PCDHGB3: variants seen among roughly 807,000 people sequenced by gnomAD.
The protein encoded by PCDHGB3 is protocadherin gamma subfamily B, 3, also known as protocadherin gamma-B3.
Under a neutral mutation model 59.2 loss-of-function variants are expected in PCDHGB3, and 40 were observed. The observed-to-expected ratio is 0.68, with a 90% CI of 0.52 to 0.88. The LOEUF (loss-of-function observed/expected upper bound fraction) is 0.88, where lower values mean the gene tolerates loss of function less well. PCDHGB3 is among the 40% of genes least tolerant of loss of function. The probability of loss-of-function intolerance (pLI) is 0.00; values close to 1 mark genes in which losing one functional copy is unlikely to be tolerated. For synonymous variants in PCDHGB3, 581 were observed against 503.6 expected (o/e 1.15, Z -2.06); for missense variants, 1,309 against 1,187.9 (o/e 1.10, Z -1.50).
rs2099883798 is a variant in PCDHGB3, at chr5:141,511,451, AT to A, written c.*281del. On this transcript the variant is annotated 3_prime_UTR_variant, in exon 4 of 4. Transcript: ENST00000576222. ...GGGGTTACTGTAGACACCAAGAACC[AT>A]TTGCCACACCCCGTTTAGTTACAGC... The A allele has an allele frequency of 3.3e-6, 2 of 606,372 alleles. No individual in the cohort carries two copies. Among genetic ancestry groups the A allele is most frequent in the African/African-American group, 1.9e-5 (1 of 53,734 alleles). 37.6% of individuals were successfully genotyped at this position (606,372 alleles called of 1,614,324 possible).
In PCDHGB3 at chr5:141,490,390, G is replaced by C. The variant is rs2099699651; in HGVS notation, c.2416-4417G>C. The C allele has an allele frequency of 6.2e-7, 1 of 1,614,074 alleles. No individual in the cohort carries two copies. The highest frequency in any genetic ancestry group is 8.5e-7 in the Non-Finnish European group (1 of 1,180,040). On this transcript the variant is annotated intron_variant, in intron 1 of 3. Coordinates refer to ENST00000576222, the MANE Select transcript of PCDHGB3 (RefSeq NM_018924.5). This position sits in a 1 kb window ranked among gnomAD's most constrained non-coding sequence, Gnocchi z 5.4. ...AGACCGGGACTCAGGTAGAAATGGT[G>C]AAGTGAGCCTTGATATCTCTCCGGA... is the stretch of plus-strand genomic sequence containing the variant.
chr5:141,489,096 ACT>A lies in PCDHGB3; in HGVS notation c.2416-5710_2416-5709del. The A allele has an allele frequency of 2.0e-6, 1 of 494,278 alleles. No individual in the cohort carries two copies. The allele number at this position is 494,278 out of a possible 1,614,324, so 30.6% of individuals were successfully genotyped here. A position where few individuals can be genotyped will look rare whatever the true frequency, so the allele number is the denominator to read the frequency against. ...CACCCCCGCCACTCGGTGACTAAGA[ACT>A]GCTGCAAGCAGGCAAACCTCCGAGC... On this transcript the variant is annotated intron_variant, in intron 1 of 3. Coordinates refer to ENST00000576222, the MANE Select transcript of PCDHGB3 (RefSeq NM_018924.5). The surrounding 1 kb of genome is among the most constrained non-coding windows in gnomAD (Gnocchi z 4.5).
chr5:141,410,827 A>G lies in PCDHGB3; in HGVS notation c.2415+38018A>G. The G allele has an allele frequency of 1.4e-5, 6 of 440,972 alleles. No individual in the cohort carries two copies. The South Asian group carries it at 2.4e-4, about 18-fold the overall frequency. 27.3% of individuals were successfully genotyped at this position (440,972 alleles called of 1,614,324 possible). The stretch of plus-strand genomic sequence containing the variant: ...TCTTTTTGTAAAATAATGTCACCAG[A>G]CTGAAGATATTTTGTCTTTGTCTTT... On this transcript the variant is annotated intron_variant, in intron 1 of 3. Transcript: ENST00000576222.
At chr5:141,401,561 T>A (rs1436115390) in intron 1 of PCDHGB3, among the ~76,000 whole-genome samples, 1 of 152,230 alleles carries the variant, frequency 6.6e-6, no homozygotes, top group Non-Finnish European at 1.5e-5. Flanking sequence ...ATTGCCTGAA[T>A]TTCTCTTGCT....
Position 141,372,827 on chromosome 5 carries a change from T to C in PCDHGB3, c.2415+18T>C, listed in dbSNP as rs1457588912. On this transcript the variant is annotated intron_variant, in intron 1 of 3. Transcript: ENST00000576222. ...TGCAAAAGGTGAGTTTCTTCAAACCTTTCCTTCCATAAATATAATTGGGTT... is the reference window on the plus strand; with the variant it reads ...TGCAAAAGGTGAGTTTCTTCAAACCCTTCCTTCCATAAATATAATTGGGTT... 4.5e-6 allele frequency: 7 copies of C among 1,550,888 alleles called. No homozygotes were observed. The highest frequency in any genetic ancestry group is 6.1e-6 in the Non-Finnish European group (7 of 1,147,482).
In PCDHGB3 at chr5:141,476,857, C is replaced by G. The variant is rs201408987; in HGVS notation, c.2416-17950C>G. The G allele has an allele frequency of 3.1e-6, 5 of 1,613,886 alleles. No individual in the cohort carries two copies. Among genetic ancestry groups the G allele is most frequent in the Non-Finnish European group, 4.2e-6 (5 of 1,180,046 alleles). On this transcript the variant is annotated intron_variant, in intron 1 of 3. Coordinates refer to ENST00000576222, the MANE Select transcript of PCDHGB3 (RefSeq NM_018924.5). This position sits in a 1 kb window ranked among gnomAD's most constrained non-coding sequence, Gnocchi z 7.6. Reference sequence around the variant, plus strand: ...ACAATGCGCCTGTCTTCAACCAGTCCTTGTACCGGGCGCGCGTCCTGGAGG... The same window carrying G: ...ACAATGCGCCTGTCTTCAACCAGTCGTTGTACCGGGCGCGCGTCCTGGAGG...
At chr5:141,498,520 A>T (rs1178141390) in intron 2 of PCDHGB3, among the ~76,000 whole-genome samples, 1 of 149,264 alleles carries the variant, frequency 6.7e-6, no homozygotes, top group Non-Finnish European at 1.5e-5. Flanking sequence ...CATCTTGCCC[A>T]CTGCCCTCCA....
At chr5:141,469,372 C>A (rs780872014) in intron 1 of PCDHGB3, among the ~76,000 whole-genome samples, 1 of 151,990 alleles carries the variant, frequency 6.6e-6, no homozygotes, top group East Asian at 1.9e-4. Context: ...GTAAAGAGAT[C>A]GAGACCATCC....
At chr5:141,422,683 G>A in intron 1 of PCDHGB3, 1 of 1,605,286 alleles carries the variant, frequency 6.2e-7, no homozygotes, top group Non-Finnish European at 8.5e-7. Flanking sequence ...CAAACAGAAT[G>A]CCCTGGTCAC....
chr5:141,375,700 C>T (rs746996990), intron 1 of PCDHGB3: 9 of 1,614,270 alleles, frequency 5.6e-6, no homozygotes, highest in Middle Eastern at 3.3e-4. Flanking sequence ...ACAGCGGGGA[C>T]CCGCCTCTTA....
intron 1 of PCDHGB3, chr5:141,424,728 G>A (rs907091181): frequency 1.3e-5 from 2 of 152,102 alleles, no homozygotes; most frequent in African/African-American, 2.4e-5. Flanking sequence ...GGGAGTCATA[G>A]ATTCCTTCTT....
At chr5:141,442,674 A>G (rs2098335634) in intron 1 of PCDHGB3, among the ~76,000 whole-genome samples, 1 of 152,272 alleles carries the variant, frequency 6.6e-6, no homozygotes, top group Non-Finnish European at 1.5e-5. Context: ...GGTGAGCTTG[A>G]GGGACAGTAG....
chr5:141,409,748 G>A (rs2095311209), intron 1 of PCDHGB3: 1 of 1,613,018 alleles, frequency 6.2e-7, no homozygotes, highest in Non-Finnish European at 8.5e-7. Context: ...GGTGGTGTTC[G>A]CGCAGCGCGC....
intron 1 of PCDHGB3, among the ~76,000 whole-genome samples, chr5:141,445,652 A>C (rs1307606419): frequency 6.6e-6 from 1 of 152,212 alleles, no homozygotes; most frequent in African/African-American, 2.4e-5. Context: ...TGAATAGATT[A>C]ATAGGATGAG....
chr5:141,430,365 G>GA lies in PCDHGB3; in HGVS notation c.2415+57564dup, dbSNP rs202146484. Among the ~76,000 whole-genome samples, 583 of 147,736 alleles carry GA rather than the reference G, an allele frequency of 3.9e-3. 6 individuals are homozygous for GA. The highest frequency in any genetic ancestry group is 0.011 in the Admixed American group (169 of 14,894). On this transcript the variant is annotated intron_variant, in intron 1 of 3. Coordinates refer to ENST00000576222, the MANE Select transcript of PCDHGB3 (RefSeq NM_018924.5). ...CCAATTCATTTAAAAGCTCATTGGG[G>GA]AAAAAAAAGCTCATTGGGAAAAAAA...
intron 1 of PCDHGB3, among the ~76,000 whole-genome samples, chr5:141,429,812 A>G (rs2097246172): frequency 6.6e-6 from 1 of 152,226 alleles, no homozygotes; most frequent in South Asian, 2.1e-4. Context: ...AGTAATTACA[A>G]TTAGGTCAGT....
intron 1 of PCDHGB3, among the ~76,000 whole-genome samples, chr5:141,433,404 T>TATCTATCA (rs757435896): frequency 6.8e-6 from 1 of 146,200 alleles, no homozygotes; most frequent in Non-Finnish European, 1.5e-5. Flanking sequence ...TCTATCTATC[T>TATCTATCA]ATTACTTTCT....
At chr5:141,376,602 A>T in intron 1 of PCDHGB3, 1 of 1,521,112 alleles carries the variant, frequency 6.6e-7, no homozygotes, top group Non-Finnish European at 8.9e-7. Flanking sequence ...CTGTTATAGA[A>T]GCGAACCTCT....
chr5:141,383,308 G>T, intron 1 of PCDHGB3: 1 of 1,613,976 alleles, frequency 6.2e-7, no homozygotes, highest in Non-Finnish European at 8.5e-7. Context: ...CTTGACGGAA[G>T]AAATAAATGT....
Sources: allele counts gnomAD v4.1 joint callset (sites outside exome capture counted in the v4.1 genomes callset), GRCh38; gene constraint gnomAD v4.1.1; non-coding constraint Gnocchi (gnomAD v3.1); transcripts MANE v1.5; gene names NCBI Gene and HGNC (gene_info 2026-07-23, HGNC 2026-07-21).